Variants in ZNF804A observed in about 807,000 individuals in gnomAD.
ZNF804A encodes zinc finger protein 804A.
A neutral mutation model predicts 16.5 loss-of-function variants in ZNF804A; 2 were observed. The observed-to-expected ratio is 0.12, with a 90% CI of 0.05 to 0.38. ZNF804A has a LOEUF of 0.38. ZNF804A is among the 10% of genes least tolerant of loss of function. The pLI, the probability that ZNF804A is intolerant of heterozygous loss-of-function variation, is 0.99. For missense variants in ZNF804A, 1,473 were observed against 1,390.7 expected (o/e 1.06, Z -0.94); for synonymous variants, 534 against 489.6 (o/e 1.09, Z -1.20).
intron 1 of ZNF804A, among the ~76,000 whole-genome samples, chr2:184,694,607 A>C (rs1341803996): frequency 6.6e-6 from 1 of 152,202 alleles, no homozygotes; most frequent in African/African-American, 2.4e-5. Flanking sequence ...CTAGAAGCAG[A>C]ACCTGAGACA....
intron 1 of ZNF804A, among the ~76,000 whole-genome samples, chr2:184,708,214 A>T (rs914790838): frequency 2.0e-5 from 3 of 151,974 alleles, no homozygotes; most frequent in African/African-American, 2.4e-5. Context: ...CCCATTCTGT[A>T]GGTTGTCTGT....
chr2:184,772,269 A>G (rs1694227624), intron 1 of ZNF804A, among the ~76,000 whole-genome samples: 2 of 151,254 alleles, frequency 1.3e-5, no homozygotes, highest in Non-Finnish European at 3.0e-5. Context: ...CTTGACCAAA[A>G]AAAAAAAAAA....
chr2:184,779,616 C>T (rs1200942630), intron 1 of ZNF804A, among the ~76,000 whole-genome samples: 1 of 151,562 alleles, frequency 6.6e-6, no homozygotes, highest in African/African-American at 2.4e-5. Context: ...GTAGAAGAGT[C>T]CCTGTCAGAG....
intron 1 of ZNF804A, among the ~76,000 whole-genome samples, chr2:184,600,490 C>G (rs1430344221): frequency 6.6e-6 from 1 of 152,072 alleles, no homozygotes; most frequent in Non-Finnish European, 1.5e-5. Flanking sequence ...TAGCCAAAGG[C>G]TAAAGGAGTT....
chr2:184,837,353 G>A (rs548844916), intron 1 of ZNF804A, among the ~76,000 whole-genome samples: 45 of 151,964 alleles, frequency 3.0e-4, no homozygotes, highest in Non-Finnish European at 6.5e-4. Flanking sequence ...ATTTTCTAGC[G>A]TTAATTTTAC....
chr2:184,709,166 C>A lies in ZNF804A; in HGVS notation c.111+110096C>A, dbSNP rs189785713. On this transcript the variant is annotated intron_variant, in intron 1 of 3. Transcript: ENST00000302277. ...AAGGACTTAAAGAGGGTTTGTACTG[C>A]CCTTTGGGGTATACAACAATCCTCC... 9.9e-5 allele frequency among the ~76,000 whole-genome samples: 15 copies of A among 152,146 alleles called. No homozygotes were observed. The East Asian group carries it at 2.5e-3, about 25-fold the overall frequency.
At chr2:184,740,702 G>A (rs1347609750) in intron 1 of ZNF804A, among the ~76,000 whole-genome samples, 2 of 152,044 alleles carry the variant, frequency 1.3e-5, no homozygotes, top group African/African-American at 4.8e-5. Flanking sequence ...GTAACATTCT[G>A]TCTTATATTC....
rs752890881 is a variant in ZNF804A, at chr2:184,938,842, G to C, written c.3446G>C (p.Gly1149Ala). 3.7e-6 allele frequency: 6 copies of C among 1,613,900 alleles called. No homozygotes were observed. The East Asian group carries it at 1.3e-4, about 36-fold the overall frequency. The part of the protein sequence containing the change: ...TRTSLPQLSV[G>A]PVGPRLCPGN... ...ACCTCATTACCTCAGCTCTCAGTAG[G>C]ACCAGTAGGACCGAGGCTTTGTCCT... is the stretch of plus-strand genomic sequence containing the variant. The change falls in exon 4 of 4, where the codon GGA becomes GCA. Residue 1149 changes from glycine to alanine, a missense_variant. By Grantham distance (60) the Gly-to-Ala change is moderately conservative (BLOSUM62 0). Coordinates refer to ENST00000302277, the MANE Select transcript of ZNF804A (RefSeq NM_194250.2).
intron 1 of ZNF804A, among the ~76,000 whole-genome samples, chr2:184,860,218 G>T (rs894060291): frequency 5.9e-5 from 9 of 152,182 alleles, no homozygotes; most frequent in Non-Finnish European, 1.5e-5. Flanking sequence ...TGGCCTAGAG[G>T]CTAGATGTAT....
At chr2:184,920,382 G>A (rs1685511957) in intron 2 of ZNF804A, among the ~76,000 whole-genome samples, 1 of 152,142 alleles carries the variant, frequency 6.6e-6, no homozygotes, top group South Asian at 2.1e-4. Flanking sequence ...ATTTCATTCT[G>A]AATGATCTCT....
intron 1 of ZNF804A, among the ~76,000 whole-genome samples, chr2:184,601,583 G>T (rs560541563): frequency 6.6e-6 from 1 of 151,726 alleles, no homozygotes; most frequent in South Asian, 2.1e-4. Context: ...TGTGTTTATC[G>T]TGTACAATGA....
chr2:184,764,303 G>A (rs1694084702), intron 1 of ZNF804A, among the ~76,000 whole-genome samples: 1 of 151,694 alleles, frequency 6.6e-6, no homozygotes, highest in Non-Finnish European at 1.5e-5. Flanking sequence ...TTGATTAGGT[G>A]GTCATTAATT....
intron 1 of ZNF804A, among the ~76,000 whole-genome samples, chr2:184,778,591 A>G (rs1694327244): frequency 6.6e-6 from 1 of 151,644 alleles, no homozygotes; most frequent in Non-Finnish European, 1.5e-5. Context: ...ACATTAGCCC[A>G]AGATATGCAA....
chr2:184,653,098 A>G (rs1196446648), intron 1 of ZNF804A, among the ~76,000 whole-genome samples: 1 of 152,142 alleles, frequency 6.6e-6, no homozygotes, highest in Non-Finnish European at 1.5e-5. Context: ...CAGCTCAAGA[A>G]TGGACAAATA....
At chr2:184,864,838 T>C (rs1695850305) in intron 1 of ZNF804A, among the ~76,000 whole-genome samples, 1 of 151,618 alleles carries the variant, frequency 6.6e-6, no homozygotes, top group African/African-American at 2.4e-5. Flanking sequence ...AAGTGTGTTT[T>C]ATAATAGTAA....
intron 1 of ZNF804A, among the ~76,000 whole-genome samples, chr2:184,843,297 C>G (rs1460274285): frequency 6.6e-6 from 1 of 152,062 alleles, no homozygotes; most frequent in Non-Finnish European, 1.5e-5. Context: ...GAGTCTCACT[C>G]TGTTGCCCAG....
At chr2:184,819,165 C>G (rs1474262754) in intron 1 of ZNF804A, among the ~76,000 whole-genome samples, 1 of 151,722 alleles carries the variant, frequency 6.6e-6, no homozygotes, top group East Asian at 1.9e-4. Context: ...ATCTCATAAT[C>G]AGAAGTAAAA....
intron 1 of ZNF804A, among the ~76,000 whole-genome samples, chr2:184,796,430 C>T (rs1694630175): frequency 6.6e-6 from 1 of 151,906 alleles, no homozygotes; most frequent in Admixed American, 6.6e-5. Context: ...TCGGGTTATC[C>T]AGTTCTTCCT....
At chr2:184,773,255 T>TTTTG (rs1175579363) in intron 1 of ZNF804A, among the ~76,000 whole-genome samples, 1 of 151,680 alleles carries the variant, frequency 6.6e-6, no homozygotes, top group Non-Finnish European at 1.5e-5. Context: ...TCTTTTAGAT[T>TTTTG]TTTGTTTGTT....
Sources: allele counts gnomAD v4.1 joint callset (sites outside exome capture counted in the v4.1 genomes callset), GRCh38; gene constraint gnomAD v4.1.1; transcripts MANE v1.5; gene names NCBI Gene and HGNC (gene_info 2026-07-23, HGNC 2026-07-21).